The following PDE4B variants were observed in gnomAD, a reference collection of about 807,000 sequenced individuals.
The protein encoded by PDE4B is phosphodiesterase 4B, also known as 3',5'-cyclic-AMP phosphodiesterase 4B.
PDE4B carries 20 observed loss-of-function variants against 82.2 expected under a neutral mutation model. The observed-to-expected ratio is 0.24, with a 90% CI of 0.17 to 0.35. The LOEUF (loss-of-function observed/expected upper bound fraction) is 0.35. PDE4B is among the 10% of genes least tolerant of loss of function. The pLI is 1.00. For missense variants in PDE4B, 655 were observed against 907.2 expected, an observed-to-expected ratio of 0.72 and a Z score of 3.57; for synonymous variants, 320 against 318.9, an observed-to-expected ratio of 1.00 and a Z score of -0.04.
intron 3 of PDE4B, among the ~76,000 whole-genome samples, chr1:66,170,892 G>A (rs1297071587): frequency 1.3e-5 from 2 of 152,120 alleles, no homozygotes; most frequent in Non-Finnish European, 2.9e-5. Context: ...GTATAACAAA[G>A]CAGAGGAGTA....
intron 7 of PDE4B, among the ~76,000 whole-genome samples, chr1:66,298,489 G>A (rs1055391154): frequency 6.6e-6 from 1 of 152,082 alleles, no homozygotes; most frequent in Non-Finnish European, 1.5e-5. Context: ...AACCTATGGG[G>A]GATTTTATTG....
chr1:66,241,657 G>A (rs529955274), intron 3 of PDE4B, among the ~76,000 whole-genome samples: 24 of 152,126 alleles, frequency 1.6e-4, no homozygotes, highest in African/African-American at 3.4e-4. Flanking sequence ...GAGTACAACC[G>A]AGGAGAATAT....
chr1:65,884,424 A>G (rs1380433107), intron 1 of PDE4B, among the ~76,000 whole-genome samples: 1 of 152,138 alleles, frequency 6.6e-6, no homozygotes. Flanking sequence ...CCAAAAGAAC[A>G]AAGCTGGAGG....
intron 3 of PDE4B, among the ~76,000 whole-genome samples, chr1:66,096,003 A>G (rs570715464): frequency 9.9e-5 from 15 of 151,890 alleles, no homozygotes; most frequent in Non-Finnish European, 1.2e-4. Context: ...TATCCTCCTA[A>G]CTTATCATTG....
At chr1:65,952,970 T>A (rs1437358898) in intron 3 of PDE4B, among the ~76,000 whole-genome samples, 1 of 152,058 alleles carries the variant, frequency 6.6e-6, no homozygotes, top group Non-Finnish European at 1.5e-5. Context: ...CTGCAGTGGG[T>A]CTCAGAGACT....
intron 1 of PDE4B, among the ~76,000 whole-genome samples, chr1:65,906,295 A>C (rs529725037): frequency 6.6e-6 from 1 of 152,198 alleles, no homozygotes; most frequent in Non-Finnish European, 1.5e-5. Flanking sequence ...ATCCATCCTA[A>C]ACCTCCACTA....
intron 3 of PDE4B, among the ~76,000 whole-genome samples, chr1:66,067,439 T>C (rs1655915429): frequency 6.6e-6 from 1 of 152,162 alleles, no homozygotes; most frequent in Admixed American, 6.6e-5. Context: ...TGATGGCCAG[T>C]GATCATGAGC....
At chr1:65,844,892 G>T (rs1158945682) in intron 1 of PDE4B, among the ~76,000 whole-genome samples, 1 of 152,164 alleles carries the variant, frequency 6.6e-6, no homozygotes, top group African/African-American at 2.4e-5. Context: ...AGGTGTAAAT[G>T]ATTTGTAAAG....
At chr1:65,816,407 A>G (rs1363702676) in intron 1 of PDE4B, among the ~76,000 whole-genome samples, 1 of 152,202 alleles carries the variant, frequency 6.6e-6, no homozygotes, top group Non-Finnish European at 1.5e-5. Flanking sequence ...AAGGTTTCAG[A>G]AGGAAAAATA....
At position 66,128,136 on chromosome 1, in the gene PDE4B, A is replaced by AT. The variant is rs548711849; in HGVS notation, c.282-119317dup. On this transcript the variant is annotated intron_variant, in intron 3 of 16. Transcript: ENST00000341517. ...GGTAGATTCTGGGTTTAATTACTAA[A>AT]TTTTTTTCAAATTCTGTGCAATCAA... Among the ~76,000 whole-genome samples the AT allele has an allele frequency of 5.3e-5, 8 of 152,218 alleles. No homozygotes were observed. The South Asian group carries it at 1.2e-3, about 24-fold the overall frequency.
chr1:65,962,446 G>A (rs1300136005), intron 3 of PDE4B, among the ~76,000 whole-genome samples: 1 of 152,078 alleles, frequency 6.6e-6, no homozygotes, highest in Non-Finnish European at 1.5e-5. Flanking sequence ...GTTTTACTAG[G>A]GACATAGGAT....
At chr1:66,235,929 G>C (rs979516189) in intron 3 of PDE4B, among the ~76,000 whole-genome samples, 2 of 152,200 alleles carry the variant, frequency 1.3e-5, no homozygotes, top group African/African-American at 2.4e-5. Context: ...TACAGAAACA[G>C]CTTGATTAGC....
intron 7 of PDE4B, among the ~76,000 whole-genome samples, chr1:66,307,973 T>C (rs1185592791): frequency 1.3e-5 from 2 of 152,154 alleles, no homozygotes; most frequent in Non-Finnish European, 2.9e-5. Context: ...ACATTATTTT[T>C]TTATCCTTGT....
At chr1:65,817,532 C>CA (rs1424532209) in intron 1 of PDE4B, among the ~76,000 whole-genome samples, 1 of 152,120 alleles carries the variant, frequency 6.6e-6, no homozygotes, top group Non-Finnish European at 1.5e-5. Context: ...TTTACTGTCG[C>CA]AGGTCAAACT....
intron 1 of PDE4B, among the ~76,000 whole-genome samples, chr1:65,890,290 T>C (rs943368947): frequency 5.9e-5 from 9 of 152,130 alleles, no homozygotes; most frequent in Non-Finnish European, 2.9e-5. Context: ...ACCATTCATA[T>C]GTGAGGGTAT....
intron 3 of PDE4B, among the ~76,000 whole-genome samples, chr1:66,038,661 G>A (rs1654192507): frequency 6.6e-6 from 1 of 152,090 alleles, no homozygotes; most frequent in South Asian, 2.1e-4. Context: ...CCTTAAGACA[G>A]GAAAAGATAC....
At chr1:66,110,126 A>G (rs1357404481) in intron 3 of PDE4B, among the ~76,000 whole-genome samples, 1 of 152,036 alleles carries the variant, frequency 6.6e-6, no homozygotes, top group African/African-American at 2.4e-5. Flanking sequence ...AAGCTTTCAT[A>G]AATGCAGAAC....
At chr1:66,099,222 G>T (rs747480372) in intron 3 of PDE4B, among the ~76,000 whole-genome samples, 1 of 152,062 alleles carries the variant, frequency 6.6e-6, no homozygotes, top group Non-Finnish European at 1.5e-5. Flanking sequence ...TGCGGTGCTT[G>T]ATTTTCTGTT....
intron 6 of PDE4B, among the ~76,000 whole-genome samples, chr1:66,260,059 A>G (rs1294286030): frequency 6.6e-6 from 1 of 152,250 alleles, no homozygotes; most frequent in East Asian, 1.9e-4. Flanking sequence ...GTGAGCTATT[A>G]TAATGGATCG....
Sources: allele counts gnomAD v4.1 joint callset (sites outside exome capture counted in the v4.1 genomes callset), GRCh38; gene constraint gnomAD v4.1.1; transcripts MANE v1.5; gene names NCBI Gene and HGNC (gene_info 2026-07-23, HGNC 2026-07-21).